Variants in ZNF385D observed in about 807,000 individuals in gnomAD.
The protein encoded by ZNF385D is zinc finger protein 659.
ZNF385D carries 15 observed loss-of-function variants against 35.8 expected under a neutral mutation model. The ratio of observed to expected loss-of-function variants is 0.42; its 90% CI spans 0.28 to 0.64. The LOEUF (loss-of-function observed/expected upper bound fraction) is 0.64, where lower values mean the gene tolerates loss of function less well. Ranked by LOEUF, ZNF385D falls within the 30% of genes least tolerant of loss-of-function variation. The probability of loss-of-function intolerance (pLI) is 0.23; values close to 1 mark genes in which losing one functional copy is unlikely to be tolerated. For missense variants in ZNF385D, 474 were observed against 494.6 expected, an observed-to-expected ratio of 0.96 and a Z score of 0.39; for synonymous variants, 212 against 186.8, an observed-to-expected ratio of 1.13 and a Z score of -1.10.
intron 1 of ZNF385D, among the ~76,000 whole-genome samples, chr3:21,743,199 C>A (rs905684548): frequency 6.6e-6 from 1 of 152,162 alleles, no homozygotes; most frequent in Non-Finnish European, 1.5e-5. Context: ...GACTGGGATT[C>A]CATCTTGAAC....
chr3:21,575,305 A>G (rs1292056693), intron 2 of ZNF385D, among the ~76,000 whole-genome samples: 2 of 152,140 alleles, frequency 1.3e-5, no homozygotes, highest in Admixed American at 6.6e-5. Context: ...TAATGGAGGT[A>G]CACAAAAAGT....
intron 1 of ZNF385D, among the ~76,000 whole-genome samples, chr3:21,681,315 A>AC (rs1397868878): frequency 6.0e-5 from 9 of 149,514 alleles, no homozygotes; most frequent in East Asian, 3.9e-4. Flanking sequence ...AAAAAAAAAA[A>AC]AAAAAAAAAC....
intron 3 of ZNF385D, among the ~76,000 whole-genome samples, chr3:22,007,842 T>C (rs906887854): frequency 2.0e-5 from 3 of 151,382 alleles, no homozygotes; most frequent in Non-Finnish European, 4.4e-5. Context: ...ATATAATTTA[T>C]ATAGTTTTCT....
intron 3 of ZNF385D, among the ~76,000 whole-genome samples, chr3:21,878,815 G>A (rs1698118505): frequency 6.6e-6 from 1 of 152,082 alleles, no homozygotes; most frequent in African/African-American, 2.4e-5. Flanking sequence ...ACTAAGATTA[G>A]CAAGTTATTT....
At chr3:22,180,267 C>T (rs1695145881) in intron 2 of ZNF385D, among the ~76,000 whole-genome samples, 1 of 152,192 alleles carries the variant, frequency 6.6e-6, no homozygotes, top group South Asian at 2.1e-4. Context: ...AGACCAATAA[C>T]AGGCTCTGAA....
chr3:21,585,882 A>G (rs1264671724), intron 2 of ZNF385D, among the ~76,000 whole-genome samples: 1 of 152,176 alleles, frequency 6.6e-6, no homozygotes, highest in Non-Finnish European at 1.5e-5. Flanking sequence ...GCAATAAGGT[A>G]TCCTGGCCTG....
intron 2 of ZNF385D, among the ~76,000 whole-genome samples, chr3:22,279,008 C>T (rs1354812699): frequency 6.6e-6 from 1 of 152,104 alleles, no homozygotes; most frequent in Non-Finnish European, 1.5e-5. Flanking sequence ...AGCCCTTCTA[C>T]ATTCTATGGC....
chr3:22,071,664 T>C (rs957893347), intron 3 of ZNF385D, among the ~76,000 whole-genome samples: 1 of 152,168 alleles, frequency 6.6e-6, no homozygotes, highest in Non-Finnish European at 1.5e-5. Context: ...CCCTGATTAT[T>C]TGAGTAAGCT....
intron 1 of ZNF385D, among the ~76,000 whole-genome samples, chr3:21,742,431 A>G (rs1388570862): frequency 2.0e-5 from 3 of 152,224 alleles, no homozygotes; most frequent in African/African-American, 7.2e-5. Context: ...GATCAGGGGC[A>G]AGATCTCTCT....
rs1477300751 is a variant in ZNF385D at position 21,588,250 on chromosome 3, G to GT, written c.166-23567dup. Among the ~76,000 whole-genome samples, 8 of 152,258 alleles carry GT rather than the reference G, an allele frequency of 5.3e-5. 1 individual carries two copies. In the South Asian group the frequency reaches 1.2e-3, roughly 24 times the overall value. ...AATAAGGCTTTATAGTGGGAGAAAA[G>GT]TTACAAGTTAAGAGCAAAGTTGTTT... On this transcript the variant is annotated intron_variant, in intron 2 of 7. Transcript: ENST00000281523.
At chr3:21,612,795 A>C (rs2064723268) in intron 2 of ZNF385D, among the ~76,000 whole-genome samples, 1 of 152,176 alleles carries the variant, frequency 6.6e-6, no homozygotes, top group Admixed American at 6.5e-5. Flanking sequence ...TCTTTCATAA[A>C]AGGTGACACT....
intron 3 of ZNF385D, among the ~76,000 whole-genome samples, chr3:22,140,530 C>G (rs1385117758): frequency 1.3e-5 from 2 of 152,004 alleles, no homozygotes; most frequent in Non-Finnish European, 1.5e-5. Context: ...CTATACCCCC[C>G]CAAAAACATG....
At chr3:21,584,441 A>G (rs1336772498) in intron 2 of ZNF385D, among the ~76,000 whole-genome samples, 1 of 152,182 alleles carries the variant, frequency 6.6e-6, no homozygotes, top group Non-Finnish European at 1.5e-5. Flanking sequence ...TGCTGGCTGG[A>G]TAATGTGACA....
intron 3 of ZNF385D, among the ~76,000 whole-genome samples, chr3:21,852,260 CTAAGGAATAAGATTCCTTATTCCT>C (rs1696429093): frequency 6.6e-6 from 1 of 151,846 alleles, no homozygotes; most frequent in Admixed American, 6.6e-5. Flanking sequence ...TTGCACATCT[CTAAGGAATAAGATTCCTTATTCCT>C]TAAGGAATGA....
At chr3:22,104,502 C>A (rs1702106128) in intron 3 of ZNF385D, among the ~76,000 whole-genome samples, 1 of 152,080 alleles carries the variant, frequency 6.6e-6, no homozygotes, top group Admixed American at 6.6e-5. Flanking sequence ...GTAAATGTTT[C>A]ATTCAGTATT....
At chr3:21,919,099 A>G (rs1431519073) in intron 3 of ZNF385D, among the ~76,000 whole-genome samples, 5 of 152,174 alleles carry the variant, frequency 3.3e-5, no homozygotes, top group African/African-American at 7.2e-5. Flanking sequence ...TGTCTCTTGT[A>G]TCTTTCTCTG....
chr3:21,710,880 A>G (rs1383272693), intron 1 of ZNF385D, among the ~76,000 whole-genome samples: 1 of 152,020 alleles, frequency 6.6e-6, no homozygotes, highest in Non-Finnish European at 1.5e-5. Context: ...TTCTTCTTAG[A>G]ATTCAGCCAT....
intron 2 of ZNF385D, among the ~76,000 whole-genome samples, chr3:22,333,210 A>G (rs74774269): frequency 0.022 from 3,385 of 152,164 alleles, 120 homozygotes; most frequent in African/African-American, 0.077. Flanking sequence ...AGTTTTTCTC[A>G]GGCTGCTTTC....
chr3:22,072,179 G>A (rs1306867911), intron 3 of ZNF385D, among the ~76,000 whole-genome samples: 2 of 152,028 alleles, frequency 1.3e-5, no homozygotes, highest in Non-Finnish European at 2.9e-5. Context: ...TATAGAAAGT[G>A]ACTAAAGCCA....
Sources: allele counts gnomAD v4.1 joint callset (sites outside exome capture counted in the v4.1 genomes callset), GRCh38; gene constraint gnomAD v4.1.1; transcripts MANE v1.5; gene names NCBI Gene and HGNC (gene_info 2026-07-23, HGNC 2026-07-21).